MROH1: variants seen among roughly 807,000 people sequenced by gnomAD.
The protein encoded by MROH1 is maestro heat like repeat family member 1.
In MROH1, 117 loss-of-function variants were observed where a neutral mutation model predicts 116.5. That is an observed-to-expected ratio of 1.00 (90% CI 0.86 to 1.17). The LOEUF is 1.17. MROH1 is among the 50% of genes most tolerant of loss of function. The pLI is 0.00. For missense variants in MROH1, 1,873 were observed against 1,338.5 expected (o/e 1.40, Z -6.23); for synonymous variants, 921 against 583.9 (o/e 1.58, Z -8.32).
At chr8:144,188,987 T>G (rs1363383229) in intron 7 of MROH1, among the ~76,000 whole-genome samples, 1 of 152,206 alleles carries the variant, frequency 6.6e-6, no homozygotes, top group Non-Finnish European at 1.5e-5. Context: ...CCAGCCAACA[T>G]ACACACAGAA....
chr8:144,249,674 G>T (rs1367308440), intron 32 of MROH1, among the ~76,000 whole-genome samples: 1 of 150,232 alleles, frequency 6.7e-6, no homozygotes, highest in Non-Finnish European at 1.5e-5. Flanking sequence ...CCTGCTTTCT[G>T]GAGCAGCAGG....
intron 4 of MROH1, among the ~76,000 whole-genome samples, chr8:144,171,911 C>T (rs1049185372): frequency 6.6e-6 from 1 of 152,152 alleles, no homozygotes; most frequent in Non-Finnish European, 1.5e-5. Flanking sequence ...TTCCAGGCTA[C>T]GACAGACAGA....
At position 144,259,339 on chromosome 8, in the gene MROH1, C is replaced by A; in HGVS notation, c.4029C>A (p.Thr1343=). ...ATGAGAACCAGAGGGTGACCACCAC[C>A]GCCTTCCTGGCCGAGGTAGGCCCTT... The part of the protein sequence containing the change: ...SAYENQRVTT[T]AFLAELLNSN... Residue 1343 remains threonine, a synonymous_variant, in exon 37 of 44, where the codon ACC becomes ACA. Transcript: ENST00000326134. 1 of 715,180 alleles carries A rather than the reference C, an allele frequency of 1.4e-6. No individual in the cohort carries two copies. The allele number at this position is 715,180 out of a possible 1,614,324, so 44.3% of individuals were successfully genotyped here.
intron 7 of MROH1, among the ~76,000 whole-genome samples, chr8:144,184,769 A>G (rs1826530207): frequency 6.6e-6 from 1 of 152,190 alleles, no homozygotes. Flanking sequence ...GCACGAGTCC[A>G]GAAGAGGTGA....
chr8:144,176,827 CAA>C (rs5895785), intron 4 of MROH1, among the ~76,000 whole-genome samples: 301 of 126,450 alleles, frequency 2.4e-3, no homozygotes, highest in Middle Eastern at 0.016. Context: ...GACTCTGTCT[CAA>C]AAAAAAAAAA....
intron 1 of MROH1, among the ~76,000 whole-genome samples, chr8:144,158,546 T>A (rs1818728363): frequency 1.3e-5 from 2 of 152,342 alleles, no homozygotes; most frequent in South Asian, 4.1e-4. Flanking sequence ...AATTTTGATA[T>A]GTCTTTTCAT....
In MROH1 at chr8:144,244,371, C is replaced by T. The variant is rs955299646; in HGVS notation, c.2670+35C>T. Reference sequence around the variant, plus strand: ...TGTTTCCCTTGCCTGTGTCCACATCCGTGAGAGTGGTGGGAGGCCACTGTA... The same window carrying T: ...TGTTTCCCTTGCCTGTGTCCACATCTGTGAGAGTGGTGGGAGGCCACTGTA... On this transcript the variant is annotated intron_variant, in intron 27 of 43. Transcript: ENST00000326134. 4.0e-5 allele frequency: 29 copies of T among 722,210 alleles called. No individual in the cohort carries two copies. In the Admixed American group the frequency reaches 5.4e-4, roughly 13 times the overall value. The allele number at this position is 722,210 out of a possible 1,614,324, so 44.7% of individuals were successfully genotyped here.
At chr8:144,256,110 G>A (rs967049564) in intron 35 of MROH1, among the ~76,000 whole-genome samples, 29 of 151,980 alleles carry the variant, frequency 1.9e-4, no homozygotes, top group East Asian at 3.9e-4. Flanking sequence ...CCAGCAGAGC[G>A]GCCTTTGGCA....
At chr8:144,260,415 C>T in intron 39 of MROH1, 41 bp downstream of exon 39, 1 of 702,640 alleles carries the variant, frequency 1.4e-6, no homozygotes, top group Non-Finnish European at 2.6e-6. Context: ...GGGCCCCAGC[C>T]CTTCCTGCCT....
In MROH1 at chr8:144,239,739, G is replaced by C; in HGVS notation, c.1758G>C (p.Leu586=). 1.4e-6 allele frequency: 1 copy of C among 718,450 alleles called. No individual in the cohort carries two copies. The highest frequency in any genetic ancestry group is 1.5e-5 in the South Asian group (1 of 67,636). The allele number at this position is 718,450 out of a possible 1,614,324, so 44.5% of individuals were successfully genotyped here. The change falls in exon 18 of 44, where the codon CTG becomes CTC. Residue 586 remains leucine, a synonymous_variant. Transcript: ENST00000326134. ...GQHWETTVPL[L]LGYLDEHTEE... ...ATTGGGAAACGACTGTCCCGCTGCT[G>C]CTGGGGTACCTGGATGGTGAGGCCA...
At position 144,182,777 on chromosome 8, in the gene MROH1, G is replaced by A. The variant is rs1267159449; in HGVS notation, c.562+2254G>A. Among the ~76,000 whole-genome samples the A allele has an allele frequency of 6.6e-6, 1 of 152,084 alleles. No homozygotes were observed. Among genetic ancestry groups the A allele is most frequent in the East Asian group, 1.9e-4 (1 of 5,180 alleles). On this transcript the variant is annotated intron_variant, in intron 7 of 43. Coordinates refer to ENST00000326134, the MANE Select transcript of MROH1 (RefSeq NM_032450.3). This position sits in a 1 kb window ranked among gnomAD's most constrained non-coding sequence, Gnocchi z 4.1. ...CAGAGATGGGAGGTCAAGAGATGAC[G>A]CAAAGGCATGCCCTAGTGGCCGGGT...
At chr8:144,207,139 C>CG (rs1347396304) in intron 12 of MROH1, among the ~76,000 whole-genome samples, 4 of 150,786 alleles carry the variant, frequency 2.7e-5, no homozygotes, top group Admixed American at 2.0e-4. Context: ...GATATATTTG[C>CG]GTATATATGT....
intron 14 of MROH1, among the ~76,000 whole-genome samples, chr8:144,223,569 C>T (rs1190870928): frequency 6.6e-6 from 1 of 152,162 alleles, no homozygotes; most frequent in Admixed American, 6.5e-5. Flanking sequence ...TTGAGCCAGT[C>T]CTCTCAGCAG....
At chr8:144,188,074 C>T (rs1827647652) in intron 7 of MROH1, among the ~76,000 whole-genome samples, 1 of 152,204 alleles carries the variant, frequency 6.6e-6, no homozygotes, top group Non-Finnish European at 1.5e-5. Flanking sequence ...TCGGGAGCAC[C>T]TGCACCCTTT....
chr8:144,207,236 G>A (rs529948851), intron 12 of MROH1, among the ~76,000 whole-genome samples: 4 of 151,278 alleles, frequency 2.6e-5, no homozygotes, highest in South Asian at 2.1e-4. Context: ...TCACCAAGCC[G>A]GAGTGCAGTG....
intron 12 of MROH1, among the ~76,000 whole-genome samples, chr8:144,202,755 G>C (rs1319171234): frequency 7.7e-6 from 1 of 129,486 alleles, no homozygotes; most frequent in Non-Finnish European, 1.6e-5. Context: ...CTGCGGAGGG[G>C]TTGGGAGAGG....
intron 4 of MROH1, among the ~76,000 whole-genome samples, chr8:144,171,704 G>A (rs1822497177): frequency 6.6e-6 from 1 of 152,156 alleles, no homozygotes; most frequent in Admixed American, 6.5e-5. Context: ...TCCATCTGTT[G>A]TGAGACTGTC....
intron 26 of MROH1, 96 bp from the exon 27 acceptor site, chr8:144,244,126 G>T: frequency 2.9e-6 from 2 of 701,148 alleles, no homozygotes; most frequent in Non-Finnish European, 2.6e-6. Context: ...GAGTAAACAT[G>T]GCAGTGGCTG....
At chr8:144,222,299 T>G (rs1432841189) in intron 13 of MROH1, among the ~76,000 whole-genome samples, 1 of 151,994 alleles carries the variant, frequency 6.6e-6, no homozygotes, top group Non-Finnish European at 1.5e-5. Context: ...GGGGTGCAGC[T>G]TGATGGAAGT....
Sources: allele counts gnomAD v4.1 joint callset (sites outside exome capture counted in the v4.1 genomes callset), GRCh38; gene constraint gnomAD v4.1.1; non-coding constraint Gnocchi (gnomAD v3.1); transcripts MANE v1.5; gene names NCBI Gene and HGNC (gene_info 2026-07-23, HGNC 2026-07-21).